Variants in ROR1 observed in about 807,000 individuals in gnomAD.
ROR1 encodes ROR family WNT receptor 1.
Under a neutral mutation model 78.8 loss-of-function variants are expected in ROR1, and 19 were observed. The ratio of observed to expected loss-of-function variants is 0.24; its 90% CI spans 0.17 to 0.35. The LOEUF (loss-of-function observed/expected upper bound fraction) is 0.35. ROR1 is among the 10% of genes least tolerant of loss of function. The pLI is 1.00. For missense variants in ROR1, 917 were observed against 1,177.8 expected, an observed-to-expected ratio of 0.78 and a Z score of 3.24; for synonymous variants, 386 against 433.6, an observed-to-expected ratio of 0.89 and a Z score of 1.36.
At chr1:63,900,937 A>T (rs1479922936) in intron 1 of ROR1, among the ~76,000 whole-genome samples, 1 of 152,226 alleles carries the variant, frequency 6.6e-6, no homozygotes, top group Non-Finnish European at 1.5e-5. Flanking sequence ...CATTACAAAC[A>T]GTAACTCACA....
At chr1:64,133,171 A>G (rs1648981414) in intron 4 of ROR1, among the ~76,000 whole-genome samples, 1 of 152,142 alleles carries the variant, frequency 6.6e-6, no homozygotes, top group South Asian at 2.1e-4. Context: ...CACAAGGAGA[A>G]CGAGGGGGTG....
rs541622547 is a variant in ROR1, at chr1:64,111,061, A to G, written c.483-26308A>G. 18 of 152,048 alleles carry G rather than the reference A, an allele frequency of 1.2e-4. No individual in the cohort carries two copies. The East Asian group carries it at 2.7e-3, about 23-fold the overall frequency. 9.4% of individuals were successfully genotyped at this position (152,048 alleles called of 1,614,324 possible). A position where few individuals can be genotyped will look rare whatever the true frequency, so the allele number is the denominator to read the frequency against. On this transcript the variant is annotated intron_variant, in intron 4 of 8. Transcript: ENST00000371079. ...GTCCAAATCCTTGTCTCTTTCTTCTATCAGAAATCCTCTGTTGTCAGTCCC... is the reference window on the plus strand; with the variant it reads ...GTCCAAATCCTTGTCTCTTTCTTCTGTCAGAAATCCTCTGTTGTCAGTCCC...
intron 1 of ROR1, among the ~76,000 whole-genome samples, chr1:63,913,411 A>C (rs1645586015): frequency 6.6e-6 from 1 of 152,212 alleles, no homozygotes; most frequent in Non-Finnish European, 1.5e-5. Context: ...CCTTGGAAAC[A>C]AAAACAGATT....
At chr1:63,913,690 G>A (rs978178803) in intron 1 of ROR1, among the ~76,000 whole-genome samples, 6 of 152,102 alleles carry the variant, frequency 3.9e-5, no homozygotes, top group Non-Finnish European at 7.4e-5. Context: ...ACAACACCCC[G>A]TGATTCTGTC....
At chr1:64,147,113 A>G (rs1351698845) in intron 7 of ROR1, among the ~76,000 whole-genome samples, 1 of 152,226 alleles carries the variant, frequency 6.6e-6, no homozygotes, top group Non-Finnish European at 1.5e-5. Flanking sequence ...GCCGATTTCC[A>G]TTATATGATA....
chr1:64,083,536 T>TGTGTGTGTGTGTGTGTGTGTGTGTGTGTG (rs139973518), intron 4 of ROR1, among the ~76,000 whole-genome samples: 3 of 150,826 alleles, frequency 2.0e-5, no homozygotes, highest in Non-Finnish European at 3.0e-5. Context: ...AGTGTGTGTG[T>TGTGTGTGTGTGTGTGTGTGTGTGTGTGTG]TTTAGGAACA....
At chr1:63,933,562 C>T (rs996584852) in intron 1 of ROR1, among the ~76,000 whole-genome samples, 3 of 152,210 alleles carry the variant, frequency 2.0e-5, no homozygotes, top group African/African-American at 7.2e-5. Flanking sequence ...GTTAAGAGAC[C>T]ATTAAGATCT....
In ROR1 at chr1:64,143,138, C is replaced by T. The variant is rs187463515; in HGVS notation, c.1174+488C>T. On this transcript the variant is annotated intron_variant, in intron 7 of 8. Coordinates refer to ENST00000371079, the MANE Select transcript of ROR1 (RefSeq NM_005012.4). ...GTGTCCTTCGTTATGTCTGTTAATA[C>T]TGCAGAAGAAGCATATAGGTATCTA... 2.0e-5 allele frequency: 20 copies of T among 999,492 alleles called. No homozygotes were observed. In the East Asian group the frequency reaches 1.8e-3, roughly 88 times the overall value. 61.9% of individuals were successfully genotyped at this position (999,492 alleles called of 1,614,324 possible). A position where few individuals can be genotyped will look rare whatever the true frequency, so the allele number is the denominator to read the frequency against.
At chr1:63,847,498 C>T (rs1645088679) in intron 1 of ROR1, among the ~76,000 whole-genome samples, 1 of 152,090 alleles carries the variant, frequency 6.6e-6, no homozygotes, top group Non-Finnish European at 1.5e-5. Context: ...CTCCTGTGCT[C>T]TAGGTGGTGG....
chr1:63,782,511 A>G (rs1644657662), intron 1 of ROR1, among the ~76,000 whole-genome samples: 1 of 151,530 alleles, frequency 6.6e-6, no homozygotes, highest in Non-Finnish European at 1.5e-5. Context: ...TGAACCAAAA[A>G]CAAGTGTCCA....
chr1:64,118,546 G>A (rs1231184929), intron 4 of ROR1, among the ~76,000 whole-genome samples: 3 of 144,456 alleles, frequency 2.1e-5, no homozygotes, highest in Non-Finnish European at 4.5e-5. Context: ...AGAATTGCTT[G>A]AACCGGGACT....
At chr1:63,874,098 G>A (rs1253662176) in intron 1 of ROR1, among the ~76,000 whole-genome samples, 2 of 152,116 alleles carry the variant, frequency 1.3e-5, no homozygotes, top group African/African-American at 4.8e-5. Flanking sequence ...TACTCTCTAA[G>A]TACAAGATAG....
intron 1 of ROR1, among the ~76,000 whole-genome samples, chr1:64,001,516 C>T (rs1646382727): frequency 6.6e-6 from 1 of 152,174 alleles, no homozygotes; most frequent in Non-Finnish European, 1.5e-5. Context: ...TGACATTATA[C>T]CATAATTCTG....
At chr1:63,855,828 T>C (rs879791884) in intron 1 of ROR1, among the ~76,000 whole-genome samples, 8 of 148,452 alleles carry the variant, frequency 5.4e-5, no homozygotes, top group Non-Finnish European at 1.2e-4. Context: ...TTTTTTTTTT[T>C]CTGTATTTTT....
intron 4 of ROR1, among the ~76,000 whole-genome samples, chr1:64,080,105 G>T (rs746260448): frequency 6.6e-6 from 1 of 152,058 alleles, no homozygotes; most frequent in African/African-American, 2.4e-5. Flanking sequence ...AGATGTTTGC[G>T]CATCTTTCAT....
intron 4 of ROR1, among the ~76,000 whole-genome samples, chr1:64,073,736 G>C (rs1376696679): frequency 1.3e-5 from 2 of 152,234 alleles, no homozygotes; most frequent in African/African-American, 4.8e-5. Context: ...GTTGGCAAAT[G>C]ATGGGGCCTC....
rs533271353 is a variant in ROR1, at chr1:63,855,864, G to A, written c.91+81356G>A. Among the ~76,000 whole-genome samples the A allele has an allele frequency of 1.5e-3, 219 of 151,012 alleles. 2 individuals carry two copies. The highest frequency in any genetic ancestry group is 4.8e-3 in the African/African-American group (199 of 41,128). ...AGTAGAGACGGCGTTTCACCATGTCGGCCAGGATGGTCTTGATCTCTTGAC... is the reference window on the plus strand; with the variant it reads ...AGTAGAGACGGCGTTTCACCATGTCAGCCAGGATGGTCTTGATCTCTTGAC... On this transcript the variant is annotated intron_variant, in intron 1 of 8. Coordinates refer to ENST00000371079, the MANE Select transcript of ROR1 (RefSeq NM_005012.4).
intron 1 of ROR1, among the ~76,000 whole-genome samples, chr1:63,932,622 T>G (rs537644173): frequency 5.9e-5 from 9 of 152,284 alleles, no homozygotes; most frequent in Admixed American, 1.3e-4. Flanking sequence ...ACACATTACC[T>G]TACCTGATTC....
At chr1:63,850,231 T>C (rs994395601) in intron 1 of ROR1, among the ~76,000 whole-genome samples, 13 of 152,254 alleles carry the variant, frequency 8.5e-5, no homozygotes, top group Non-Finnish European at 1.5e-4. Flanking sequence ...GAAGTTATTT[T>C]AGTTGCTGTG....
Sources: gnomAD v4.1 joint callset for allele counts (sites outside exome capture counted in the v4.1 genomes callset) on GRCh38, gnomAD v4.1.1 for gene constraint, MANE v1.5 for transcripts, NCBI Gene and HGNC (gene_info 2026-07-23, HGNC 2026-07-21) for gene names.